The following HS6ST3 variants were observed in gnomAD, a reference collection of about 807,000 sequenced individuals.
HS6ST3 encodes the protein heparan-sulfate 6-O-sulfotransferase 3.
Under a neutral mutation model 36.7 loss-of-function variants are expected in HS6ST3, and 12 were observed. The observed-to-expected ratio is 0.33, with a 90% CI of 0.21 to 0.53. HS6ST3 has a LOEUF of 0.53. Ranked by LOEUF, HS6ST3 falls within the 20% of genes least tolerant of loss-of-function variation. The pLI, the probability that HS6ST3 is intolerant of heterozygous loss-of-function variation, is 0.95. For synonymous variants in HS6ST3, 240 were observed against 257.5 expected (o/e 0.93, Z 0.65); for missense variants, 584 against 640.9 (o/e 0.91, Z 0.96).
intron 1 of HS6ST3, among the ~76,000 whole-genome samples, chr13:96,268,517 A>G (rs558505523): frequency 1.3e-5 from 2 of 151,876 alleles, no homozygotes; most frequent in Non-Finnish European, 2.9e-5. Context: ...GATTATGGGG[A>G]CTACAGTTCA....
At chr13:96,205,329 T>C (rs1192750988) in intron 1 of HS6ST3, among the ~76,000 whole-genome samples, 1 of 152,208 alleles carries the variant, frequency 6.6e-6, no homozygotes, top group South Asian at 2.1e-4. Flanking sequence ...ATTGAGACAG[T>C]AGCAAATAGC....
At chr13:96,130,303 T>C (rs967461999) in intron 1 of HS6ST3, among the ~76,000 whole-genome samples, 21 of 152,258 alleles carry the variant, frequency 1.4e-4, no homozygotes, top group African/African-American at 5.1e-4. Context: ...TTGGTGGCTG[T>C]CACCCTCCCC....
intron 1 of HS6ST3, among the ~76,000 whole-genome samples, chr13:96,357,605 C>T (rs2055216471): frequency 6.6e-6 from 1 of 152,118 alleles, no homozygotes; most frequent in Non-Finnish European, 1.5e-5. Flanking sequence ...CTCTGTTGCC[C>T]AGGCTAGAGT....
At chr13:96,639,074 G>A (rs370753782) in intron 1 of HS6ST3, among the ~76,000 whole-genome samples, 1 of 152,128 alleles carries the variant, frequency 6.6e-6, no homozygotes, top group East Asian at 1.9e-4. Context: ...GTTAGGTCCA[G>A]TTGGTTTGTA....
At chr13:96,702,054 A>C (rs576455411) in intron 1 of HS6ST3, among the ~76,000 whole-genome samples, 1 of 152,350 alleles carries the variant, frequency 6.6e-6, no homozygotes, top group Non-Finnish European at 1.5e-5. Flanking sequence ...AGAGATGAGC[A>C]CTGGAATCCA....
intron 1 of HS6ST3, among the ~76,000 whole-genome samples, chr13:96,144,340 CA>C (rs1160459720): frequency 3.3e-5 from 5 of 152,002 alleles, no homozygotes; most frequent in African/African-American, 1.2e-4. Flanking sequence ...TGTCAGCTTC[CA>C]AACTTTTGAT....
intron 1 of HS6ST3, among the ~76,000 whole-genome samples, chr13:96,530,120 A>T (rs1430295070): frequency 6.6e-6 from 1 of 152,222 alleles, no homozygotes; most frequent in African/African-American, 2.4e-5. Context: ...ATTGCTACTT[A>T]GAATATGGTC....
intron 1 of HS6ST3, among the ~76,000 whole-genome samples, chr13:96,216,486 T>G (rs2054426631): frequency 6.6e-6 from 1 of 152,148 alleles, no homozygotes; most frequent in Non-Finnish European, 1.5e-5. Context: ...ATTCAGATTA[T>G]TTAAGGGTGG....
chr13:96,489,522 G>C (rs1365700725), intron 1 of HS6ST3, among the ~76,000 whole-genome samples: 29 of 151,918 alleles, frequency 1.9e-4, no homozygotes, highest in Admixed American at 1.9e-3. Flanking sequence ...TTAGTTCCTA[G>C]TGAAATTTTT....
intron 1 of HS6ST3, among the ~76,000 whole-genome samples, chr13:96,699,924 C>T (rs985072867): frequency 6.6e-6 from 1 of 152,160 alleles, no homozygotes; most frequent in Non-Finnish European, 1.5e-5. Context: ...TGAATCAGTG[C>T]TAAATAGTGC....
At chr13:96,438,712 G>A (rs886980272) in intron 1 of HS6ST3, among the ~76,000 whole-genome samples, 6 of 152,154 alleles carry the variant, frequency 3.9e-5, no homozygotes, top group East Asian at 1.9e-4. Flanking sequence ...CTTAAATGTC[G>A]TGAGAAATTG....
chr13:96,194,478 G>T (rs1203995523), intron 1 of HS6ST3, among the ~76,000 whole-genome samples: 1 of 151,564 alleles, frequency 6.6e-6, no homozygotes, highest in Non-Finnish European at 1.5e-5. Flanking sequence ...CAGCTTTATT[G>T]GAGTGTAATT....
intron 1 of HS6ST3, among the ~76,000 whole-genome samples, chr13:96,293,121 A>G (rs1268796723): frequency 6.6e-6 from 1 of 152,144 alleles, no homozygotes; most frequent in Non-Finnish European, 1.5e-5. Flanking sequence ...CTGAAAGACA[A>G]CAATAAAAAC....
chr13:96,587,177 G>A (rs971349985), intron 1 of HS6ST3, among the ~76,000 whole-genome samples: 20 of 152,136 alleles, frequency 1.3e-4, no homozygotes, highest in African/African-American at 3.9e-4. Context: ...ATACCATGCC[G>A]TTTTTGTTCT....
chr13:96,650,146 C>G (rs956713981), intron 1 of HS6ST3, among the ~76,000 whole-genome samples: 1 of 151,942 alleles, frequency 6.6e-6, no homozygotes, highest in Non-Finnish European at 1.5e-5. Flanking sequence ...TCCCCCATAC[C>G]CTGCTCTACT....
chr13:96,364,857 A>G (rs1029345466), intron 1 of HS6ST3, among the ~76,000 whole-genome samples: 1 of 152,338 alleles, frequency 6.6e-6, no homozygotes, highest in African/African-American at 2.4e-5. Flanking sequence ...TGTTTCTGCT[A>G]CTTTCACATA....
At position 96,109,375 on chromosome 13, in the gene HS6ST3, G is replaced by A. The variant is rs1467816718; in HGVS notation, c.707+17806G>A. ...GAGGTTTCTTGAGGAGGCAACTCAC[G>A]TTCATAAAAATGGGTTAGACTATTT... On this transcript the variant is annotated intron_variant, in intron 1 of 1. Transcript: ENST00000376705. Among the ~76,000 whole-genome samples the A allele has an allele frequency of 2.0e-5, 3 of 152,172 alleles. 1 individual carries two copies. Among genetic ancestry groups the A allele is most frequent in the Middle Eastern group, 6.3e-3 (2 of 316 alleles).
chr13:96,248,581 G>T (rs1164918163), intron 1 of HS6ST3, among the ~76,000 whole-genome samples: 3 of 152,146 alleles, frequency 2.0e-5, no homozygotes, highest in Non-Finnish European at 4.4e-5. Flanking sequence ...ATGTGTTAAA[G>T]AATTAGGTAA....
At chr13:96,367,961 A>G (rs1012079132) in intron 1 of HS6ST3, among the ~76,000 whole-genome samples, 1 of 152,144 alleles carries the variant, frequency 6.6e-6, no homozygotes, top group African/African-American at 2.4e-5. Context: ...CATGATGTTT[A>G]TGGTTTTTTC....
Sources: allele counts gnomAD v4.1 joint callset (sites outside exome capture counted in the v4.1 genomes callset), GRCh38; gene constraint gnomAD v4.1.1; transcripts MANE v1.5; gene names NCBI Gene and HGNC (gene_info 2026-07-23, HGNC 2026-07-21).